Variants in LRP1B observed in about 807,000 individuals in gnomAD.
LRP1B encodes low-density lipoprotein receptor-related protein 1B.
Under a neutral mutation model 556.6 loss-of-function variants are expected in LRP1B, and 217 were observed. The ratio of observed to expected loss-of-function variants is 0.39; its 90% CI spans 0.35 to 0.44. The LOEUF (loss-of-function observed/expected upper bound fraction) is 0.44, where lower values mean the gene tolerates loss of function less well. Among genes scored for constraint, LRP1B ranks in the 20% least tolerant of loss-of-function variants. The probability of loss-of-function intolerance (pLI) is 1.00; values close to 1 mark genes in which losing one functional copy is unlikely to be tolerated. For missense variants in LRP1B, 5,053 were observed against 5,620.8 expected (o/e 0.90, Z 3.23); for synonymous variants, 2,047 against 1,865.8 (o/e 1.10, Z -2.50).
intron 24 of LRP1B, among the ~76,000 whole-genome samples, chr2:140,885,818 A>G (rs1313627033): frequency 2.0e-5 from 3 of 147,964 alleles, no homozygotes; most frequent in Non-Finnish European, 1.5e-5. Flanking sequence ...AAAAAAAACA[A>G]GTTATTGTAA....
chr2:141,765,115 A>T (rs2164696), intron 2 of LRP1B, among the ~76,000 whole-genome samples: 12,173 of 149,118 alleles, frequency 0.082, 1,018 homozygotes, highest in Middle Eastern at 0.18. Context: ...ACAAACAAAC[A>T]GGGAAAGAAT....
intron 2 of LRP1B, among the ~76,000 whole-genome samples, chr2:141,493,442 C>T (rs1559103479): frequency 6.6e-6 from 1 of 152,094 alleles, no homozygotes; most frequent in Non-Finnish European, 1.5e-5. Context: ...AAATATTTAA[C>T]AACAGATGAA....
At chr2:141,381,524 T>G (rs901241541) in intron 3 of LRP1B, among the ~76,000 whole-genome samples, 1 of 151,740 alleles carries the variant, frequency 6.6e-6, no homozygotes, top group Non-Finnish European at 1.5e-5. Flanking sequence ...GGGAACAGAA[T>G]GAACATTCAG....
chr2:140,782,165 T>C (rs1559115757), intron 32 of LRP1B, among the ~76,000 whole-genome samples: 2 of 152,196 alleles, frequency 1.3e-5, no homozygotes, highest in Non-Finnish European at 2.9e-5. Context: ...GGAGCTAATA[T>C]AGGGTAGGGG....
intron 3 of LRP1B, among the ~76,000 whole-genome samples, chr2:141,411,322 G>T (rs1434548894): frequency 1.3e-5 from 2 of 152,074 alleles, no homozygotes; most frequent in Non-Finnish European, 2.9e-5. Context: ...ATGGGGAAAA[G>T]ATTGATGTCA....
chr2:141,795,856 C>CAA (rs1342510905), intron 2 of LRP1B, among the ~76,000 whole-genome samples: 4,014 of 18,146 alleles, frequency 0.22, 394 homozygotes, highest in South Asian at 0.27. Flanking sequence ...AAACCAGGAG[C>CAA]AATATATATA....
At chr2:141,575,399 G>A (rs1341960962) in intron 2 of LRP1B, among the ~76,000 whole-genome samples, 1 of 152,122 alleles carries the variant, frequency 6.6e-6, no homozygotes, top group Non-Finnish European at 1.5e-5. Flanking sequence ...GGGAAAACCG[G>A]CAAGCCATAT....
At chr2:141,939,401 T>C (rs2105011309) in intron 1 of LRP1B, among the ~76,000 whole-genome samples, 1 of 152,190 alleles carries the variant, frequency 6.6e-6, no homozygotes, top group East Asian at 1.9e-4. Flanking sequence ...TGTGTATGTA[T>C]GGATACTTGA....
chr2:140,514,395 C>T (rs751363640), intron 51 of LRP1B, among the ~76,000 whole-genome samples: 70 of 151,346 alleles, frequency 4.6e-4, no homozygotes, highest in Non-Finnish European at 8.7e-4. Context: ...AAGAATTCAC[C>T]GAAAGCTAGA....
chr2:140,739,890 G>T (rs1366113226), intron 35 of LRP1B, among the ~76,000 whole-genome samples: 4 of 152,060 alleles, frequency 2.6e-5, no homozygotes. Context: ...CTCAAAAGAA[G>T]ATATAAAAAT....
chr2:141,523,764 T>C (rs1028861913), intron 2 of LRP1B, among the ~76,000 whole-genome samples: 1 of 152,168 alleles, frequency 6.6e-6, no homozygotes, highest in African/African-American at 2.4e-5. Context: ...AAGGACACTT[T>C]GTTAGTGTCA....
Position 141,286,458 on chromosome 2 carries a change from A to C in LRP1B, c.344-31817T>G, listed in dbSNP as rs183997521. ...AATGTCTCTGTCAGATCTTGGTATTAGGGTTATACTGGCCTCATAAAATGA... is the reference window on the plus strand; with the variant it reads ...AATGTCTCTGTCAGATCTTGGTATTCGGGTTATACTGGCCTCATAAAATGA... On this transcript the variant is annotated intron_variant, in intron 3 of 90. Coordinates refer to ENST00000389484, the MANE Select transcript of LRP1B (RefSeq NM_018557.3). Among the ~76,000 whole-genome samples the C allele has an allele frequency of 2.0e-4, 30 of 152,248 alleles. No homozygotes were observed. In the East Asian group the frequency reaches 3.3e-3, roughly 17 times the overall value.
At position 141,953,917 on chromosome 2, in the gene LRP1B, G is replaced by T. The variant is rs80231529; in HGVS notation, c.83-143516C>A. ...GACAATAATGATTTAAAGCTATAAT[G>T]AATTAAACCTCACTTACCCAAATAT... On this transcript the variant is annotated intron_variant, in intron 1 of 90. Coordinates refer to ENST00000389484, the MANE Select transcript of LRP1B (RefSeq NM_018557.3). 9.3e-3 allele frequency among the ~76,000 whole-genome samples: 1,422 copies of T among 152,170 alleles called. 8 individuals carry two copies. The highest frequency in any genetic ancestry group is 0.016 in the Non-Finnish European group (1,056 of 67,958).
At chr2:140,890,133 C>T (rs748646574) in intron 23 of LRP1B, among the ~76,000 whole-genome samples, 2 of 150,834 alleles carry the variant, frequency 1.3e-5, no homozygotes, top group Admixed American at 1.3e-4. Context: ...CAGATGGGTA[C>T]ATAATGTATA....
chr2:141,666,177 A>C (rs906096713), intron 2 of LRP1B, among the ~76,000 whole-genome samples: 2 of 152,202 alleles, frequency 1.3e-5, no homozygotes, highest in African/African-American at 4.8e-5. Flanking sequence ...TATTTCATAA[A>C]AGAGGAGACA....
At chr2:141,647,895 A>C (rs1286637102) in intron 2 of LRP1B, among the ~76,000 whole-genome samples, 1 of 152,082 alleles carries the variant, frequency 6.6e-6, no homozygotes, top group East Asian at 1.9e-4. Flanking sequence ...AAGCCCAGGG[A>C]ATAAATAGAG....
chr2:140,940,462 T>C (rs929509268), intron 20 of LRP1B, among the ~76,000 whole-genome samples: 3 of 152,052 alleles, frequency 2.0e-5, no homozygotes, highest in Admixed American at 2.0e-4. Context: ...GGCCAGAGAG[T>C]TAATGACTTA....
At chr2:140,700,190 T>A in intron 41 of LRP1B, 60 bp downstream of exon 41, 1 of 1,400,702 alleles carries the variant, frequency 7.1e-7, no homozygotes, top group Non-Finnish European at 9.9e-7. Context: ...CACTATTATT[T>A]CTCTAGTAAT....
chr2:141,142,089 CAAA>C (rs11346752), intron 7 of LRP1B, among the ~76,000 whole-genome samples: 1 of 150,416 alleles, frequency 6.6e-6, no homozygotes, highest in African/African-American at 2.4e-5. Context: ...TCTGGTATAA[CAAA>C]AAAAAAAATC....
Sources: gnomAD v4.1 joint callset for allele counts (sites outside exome capture counted in the v4.1 genomes callset) on GRCh38, gnomAD v4.1.1 for gene constraint, MANE v1.5 for transcripts, NCBI Gene and HGNC (gene_info 2026-07-23, HGNC 2026-07-21) for gene names.